PCDHGA10: variants seen among roughly 807,000 people sequenced by gnomAD.
PCDHGA10 encodes protocadherin gamma subfamily A, 10, also known as protocadherin gamma-A10.
In PCDHGA10, 42 loss-of-function variants were observed where a neutral mutation model predicts 59.5. That is an observed-to-expected ratio of 0.71 (90% CI 0.55 to 0.91). PCDHGA10 has a LOEUF of 0.91. Among genes scored for constraint, PCDHGA10 ranks in the 40% least tolerant of loss-of-function variants. The pLI, the probability that PCDHGA10 is intolerant of heterozygous loss-of-function variation, is 0.00. For synonymous variants in PCDHGA10, 511 were observed against 517.2 expected, an observed-to-expected ratio of 0.99 and a Z score of 0.16; for missense variants, 1,111 against 1,198.2, an observed-to-expected ratio of 0.93 and a Z score of 1.07.
At chr5:141,423,642 T>C (rs1293550754) in intron 1 of PCDHGA10, 2 of 1,596,770 alleles carry the variant, frequency 1.3e-6, no homozygotes, top group African/African-American at 2.7e-5. Flanking sequence ...TAGGCAAATG[T>C]GACCCGACAA....
intron 1 of PCDHGA10, chr5:141,478,285 T>G (rs1468354835): frequency 6.2e-7 from 1 of 1,614,040 alleles, no homozygotes; most frequent in Non-Finnish European, 8.5e-7. Context: ...GGAAGCAGTC[T>G]AGAGACCTAT....
intron 1 of PCDHGA10, among the ~76,000 whole-genome samples, chr5:141,436,889 G>T (rs1319754318): frequency 6.6e-6 from 1 of 152,208 alleles, no homozygotes; most frequent in Non-Finnish European, 1.5e-5. Flanking sequence ...ATGGGGGAAA[G>T]ATTTTTATAT....
chr5:141,480,651 C>T (rs780138971), intron 1 of PCDHGA10, among the ~76,000 whole-genome samples: 1 of 152,174 alleles, frequency 6.6e-6, no homozygotes, highest in African/African-American at 2.4e-5. Flanking sequence ...CTTGGTTGCA[C>T]ATTAAAATCA....
chr5:141,508,479 T>G (rs1361434920), intron 3 of PCDHGA10, among the ~76,000 whole-genome samples: 1 of 152,152 alleles, frequency 6.6e-6, no homozygotes, highest in Non-Finnish European at 1.5e-5. Flanking sequence ...TCTTTTACAT[T>G]CTGGATTTCC....
Position 141,505,475 on chromosome 5 carries a change from G to A in PCDHGA10, c.2578G>A (p.Ala860Thr), listed in dbSNP as rs769108315. The A allele has an allele frequency of 2.2e-5, 35 of 1,614,098 alleles. No homozygotes were observed. Among genetic ancestry groups the A allele is most frequent in the South Asian group, 5.5e-5 (5 of 91,090 alleles). ...GCTGCAAGCCATGATCTTGGCGTCC[G>A]CCAGTGGTAAGTGGTGTCAGTGTGT... ...EMLQAMILAS[A>T]SEAADGSSTL... The change falls in exon 3 of 4, where the codon GCC becomes ACC. Residue 860 changes from alanine to threonine, a missense_variant. Physicochemically the swap from Ala to Thr is moderately conservative, Grantham distance 58. Transcript: ENST00000398610.
rs1413988459 is a variant in PCDHGA10, at chr5:141,414,525, T to C, written c.1350T>C (p.Asn450=). The change falls in exon 1 of 4, where the codon AAT becomes AAC. Residue 450 remains asparagine (N), a synonymous_variant. Transcript: ENST00000398610. ...AHFMLQVADI[N]DNPPTFSQVS... ...TTATGCTACAAGTGGCAGATATCAA[T>C]GACAACCCACCTACCTTCTCTCAAG... 2 of 1,613,972 alleles carry C rather than the reference T, an allele frequency of 1.2e-6. No homozygotes were observed. The highest frequency in any genetic ancestry group is 1.1e-5 in the South Asian group (1 of 91,086).
At chr5:141,424,525 A>G (rs1010194490) in intron 1 of PCDHGA10, 2 of 152,196 alleles carry the variant, frequency 1.3e-5, no homozygotes, top group Non-Finnish European at 2.9e-5. Context: ...TAGTAAATCC[A>G]TATATAGAAA....
rs1156927948 is a variant in PCDHGA10, at chr5:141,490,342, G to A, written c.2437-4465G>A. 16 of 1,614,126 alleles carry A rather than the reference G, an allele frequency of 9.9e-6. 1 individual carries two copies. In the Admixed American group the frequency reaches 1.3e-4, roughly 13 times the overall value. ...CCTAGAGAGCACACCAGTGGGCACA[G>A]TAGTGGGGTTGTTTAATGTGCGAGA... On this transcript the variant is annotated intron_variant, in intron 1 of 3. Coordinates refer to ENST00000398610, the MANE Select transcript of PCDHGA10 (RefSeq NM_018913.3). This position sits in a 1 kb window ranked among gnomAD's most constrained non-coding sequence, Gnocchi z 5.4.
intron 1 of PCDHGA10, among the ~76,000 whole-genome samples, chr5:141,451,542 G>A (rs1023356681): frequency 3.3e-5 from 5 of 152,148 alleles, no homozygotes; most frequent in Non-Finnish European, 7.3e-5. Context: ...GCCAGAGAGG[G>A]CAAATGTGAT....
At position 141,430,859 on chromosome 5, in the gene PCDHGA10, T is replaced by G. The variant is rs770543752; in HGVS notation, c.2436+15248T>G. The stretch of plus-strand genomic sequence containing the variant: ...GACCGGATGCACCCAGATACGCTAT[T>G]CAGTTCCGGAAGAGCTGGAGAAAGG... On this transcript the variant is annotated intron_variant, in intron 1 of 3. Transcript: ENST00000398610. 5.0e-6 allele frequency: 8 copies of G among 1,592,398 alleles called. No homozygotes were observed. The East Asian group carries it at 1.6e-4, about 31-fold the overall frequency.
rs2099884060 is a variant in PCDHGA10 at position 141,512,057 on chromosome 5, A to T, written c.*884A>T. 1 of 152,768 alleles carries T rather than the reference A, an allele frequency of 6.5e-6. No individual in the cohort carries two copies. Among genetic ancestry groups the T allele is most frequent in the South Asian group, 2.1e-4 (1 of 4,832 alleles). 9.5% of individuals were successfully genotyped at this position (152,768 alleles called of 1,614,324 possible). ...GGCTCTGTATGTCCTCAGGGGACTG[A>T]CAACATCCTCCAGATTCCAGCCATA... is the stretch of plus-strand genomic sequence containing the variant. On this transcript the variant is annotated 3_prime_UTR_variant, in exon 4 of 4. Coordinates refer to ENST00000398610, the MANE Select transcript of PCDHGA10 (RefSeq NM_018913.3).
chr5:141,449,283 A>C (rs937339676), intron 1 of PCDHGA10, among the ~76,000 whole-genome samples: 1 of 152,102 alleles, frequency 6.6e-6, no homozygotes, highest in African/African-American at 2.4e-5. Flanking sequence ...CTTCACCCGG[A>C]TGCACCGGGT....
intron 1 of PCDHGA10, chr5:141,478,544 C>G (rs1371505487): frequency 6.2e-7 from 1 of 1,605,660 alleles, no homozygotes; most frequent in Admixed American, 1.7e-5. Flanking sequence ...CCCTCCCGGA[C>G]AGGTAAGGTT....
rs763239421 is a variant in PCDHGA10, at chr5:141,477,265, G to C, written c.2437-17542G>C. 1 of 1,614,198 alleles carries C rather than the reference G, an allele frequency of 6.2e-7. No homozygotes were observed. Among genetic ancestry groups the C allele is most frequent in the Admixed American group, 1.7e-5 (1 of 60,020 alleles). On this transcript the variant is annotated intron_variant, in intron 1 of 3. Coordinates refer to ENST00000398610, the MANE Select transcript of PCDHGA10 (RefSeq NM_018913.3). The surrounding 1 kb of genome is among the most constrained non-coding windows in gnomAD (Gnocchi z 4.9). ...GTGTGACTGACCTGGATGCTGGCGA[G>C]AACGGGCTGGTGACCTGCGAAGTTC...
chr5:141,425,890 G>A (rs943076854), intron 1 of PCDHGA10, among the ~76,000 whole-genome samples: 1 of 152,118 alleles, frequency 6.6e-6, no homozygotes, highest in Non-Finnish European at 1.5e-5. Flanking sequence ...AATCTTCTTT[G>A]GTAGTAAACA....
Position 141,489,802 on chromosome 5 carries a change from G to A in PCDHGA10, c.2437-5005G>A, listed in dbSNP as rs2099692541. On this transcript the variant is annotated intron_variant, in intron 1 of 3. Transcript: ENST00000398610. The surrounding 1 kb of genome is among the most constrained non-coding windows in gnomAD (Gnocchi z 4.5). ...TCTGAATGTGAAGACCCTAAAAGAT[G>A]GGAAGCCATTCCCAGAGCTGGTGCT... is the stretch of plus-strand genomic sequence containing the variant. 6.2e-7 allele frequency: 1 copy of A among 1,614,042 alleles called. No homozygotes were observed. The highest frequency in any genetic ancestry group is 1.1e-5 in the South Asian group (1 of 91,088).
At chr5:141,423,557 G>C in intron 1 of PCDHGA10, 2 of 1,613,654 alleles carry the variant, frequency 1.2e-6, no homozygotes, top group Non-Finnish European at 1.7e-6. Context: ...CCCAACTATG[G>C]GGACACGCTC....
chr5:141,472,750 C>T (rs967243815), intron 1 of PCDHGA10, among the ~76,000 whole-genome samples: 3 of 151,882 alleles, frequency 2.0e-5, no homozygotes, highest in Non-Finnish European at 2.9e-5. Context: ...CTTTGGGAGG[C>T]GGAGGCTGGC....
chr5:141,429,264 A>T (rs1029363907), intron 1 of PCDHGA10: 1 of 151,938 alleles, frequency 6.6e-6, no homozygotes, highest in Non-Finnish European at 1.5e-5. Flanking sequence ...TGAGGAATAA[A>T]TTTTTTTCCT....
Sources: gnomAD v4.1 joint callset for allele counts (sites outside exome capture counted in the v4.1 genomes callset) on GRCh38, gnomAD v4.1.1 for gene constraint, Gnocchi (gnomAD v3.1) non-coding constraint, MANE v1.5 for transcripts, NCBI Gene and HGNC (gene_info 2026-07-23, HGNC 2026-07-21) for gene names.